The following CACNB2 variants were observed in gnomAD, a reference collection of about 807,000 sequenced individuals.
The protein encoded by CACNB2 is calcium voltage-gated channel auxiliary subunit beta 2.
Under a neutral mutation model 73.3 loss-of-function variants are expected in CACNB2, and 42 were observed. The observed-to-expected ratio is 0.57, with a 90% CI of 0.45 to 0.74. CACNB2 has a LOEUF of 0.74. Among genes scored for constraint, CACNB2 ranks in the 30% least tolerant of loss-of-function variants. The pLI is 0.00. For synonymous variants in CACNB2, 348 were observed against 310.3 expected (o/e 1.12, Z -1.28); for missense variants, 940 against 853.0 (o/e 1.10, Z -1.27).
rs149167651 is a variant in CACNB2 at position 18,506,511 on chromosome 10, G to C, written c.634G>C (p.Val212Leu). The change falls in exon 6 of 14, where the codon GTA becomes CTA. Residue 212 changes from valine (V) to leucine (L), a missense_variant. Transcript: ENST00000324631. ...TTCATCATCCAGTTTGGGTGACATA[G>C]TACCTAGTTCCAGAAAATCAACACC... ...GNSSSSLGDI[V>L]PSSRKSTPPS... 3.5e-5 allele frequency: 57 copies of C among 1,612,222 alleles called. No homozygotes were observed. The African/African-American group carries it at 7.3e-4, about 21-fold the overall frequency.
intron 11 of CACNB2, among the ~76,000 whole-genome samples, chr10:18,535,544 G>A (rs1441014374): frequency 6.6e-6 from 1 of 152,002 alleles, no homozygotes; most frequent in Non-Finnish European, 1.5e-5. Context: ...AGGCTGAGGT[G>A]GGAGGATCAT....
intron 9 of CACNB2, among the ~76,000 whole-genome samples, chr10:18,521,191 G>C (rs2051844501): frequency 6.6e-6 from 1 of 152,224 alleles, no homozygotes; most frequent in Non-Finnish European, 1.5e-5. Flanking sequence ...CTGCATATAA[G>C]TAAAAGGGCA....
intron 2 of CACNB2, among the ~76,000 whole-genome samples, chr10:18,386,003 T>A (rs558040219): frequency 6.6e-6 from 1 of 152,332 alleles, no homozygotes; most frequent in South Asian, 2.1e-4. Flanking sequence ...AGAATTAGAA[T>A]TATGGATCAA....
At chr10:18,531,919 G>T (rs7917584) in intron 10 of CACNB2, 1 of 151,996 alleles carries the variant, frequency 6.6e-6, no homozygotes, top group Admixed American at 6.6e-5. Flanking sequence ...GGCTTGCCCC[G>T]TCTTCAAGAT....
chr10:18,333,574 A>G (rs1170525013), intron 2 of CACNB2, among the ~76,000 whole-genome samples: 2 of 152,170 alleles, frequency 1.3e-5, no homozygotes, highest in African/African-American at 4.8e-5. Flanking sequence ...TTTTTTGAGA[A>G]AAGCATGTGT....
chr10:18,255,377 C>A (rs2037241345), intron 2 of CACNB2, among the ~76,000 whole-genome samples: 1 of 152,208 alleles, frequency 6.6e-6, no homozygotes, highest in Non-Finnish European at 1.5e-5. Flanking sequence ...CCCAGAGACA[C>A]CTTTTCTGAC....
At chr10:18,181,065 GAAA>G (rs34924301) in intron 2 of CACNB2, among the ~76,000 whole-genome samples, 16 of 117,882 alleles carry the variant, frequency 1.4e-4, no homozygotes, top group African/African-American at 4.6e-4. Context: ...AGCCAAAATA[GAAA>G]AAAAAAAAAA....
chr10:18,191,539 A>G (rs373343772), intron 2 of CACNB2, among the ~76,000 whole-genome samples: 53 of 152,242 alleles, frequency 3.5e-4, no homozygotes, highest in African/African-American at 1.2e-3. Context: ...GTACACCATC[A>G]CCTGAGCATT....
At chr10:18,498,275 A>G in intron 3 of CACNB2, 80 bp from the exon 4 acceptor site, 1 of 1,528,372 alleles carries the variant, frequency 6.5e-7, no homozygotes, top group Admixed American at 1.8e-5. Flanking sequence ...GTTATTCAGT[A>G]TGTCTTTGTG....
chr10:18,294,174 T>C (rs2039182629), intron 2 of CACNB2, among the ~76,000 whole-genome samples: 1 of 152,222 alleles, frequency 6.6e-6, no homozygotes. Context: ...CTTCACTCCA[T>C]GTGATAAACA....
chr10:18,494,777 A>G (rs1012473441), intron 3 of CACNB2, among the ~76,000 whole-genome samples: 1 of 151,942 alleles, frequency 6.6e-6, no homozygotes, highest in African/African-American at 2.4e-5. Context: ...TGGAAATTGT[A>G]TTTCTAGTGG....
At chr10:18,428,324 C>G (rs1409025517) in intron 3 of CACNB2, among the ~76,000 whole-genome samples, 5 of 152,182 alleles carry the variant, frequency 3.3e-5, no homozygotes, top group African/African-American at 1.2e-4. Context: ...CCACTACAAT[C>G]TTATTTTGTC....
At chr10:18,155,384 T>C (rs2031958221) in intron 2 of CACNB2, among the ~76,000 whole-genome samples, 1 of 152,238 alleles carries the variant, frequency 6.6e-6, no homozygotes, top group Admixed American at 6.5e-5. Flanking sequence ...GGATTGTCTT[T>C]GGTTGATTTT....
intron 2 of CACNB2, chr10:18,261,982 A>G (rs375908028): frequency 3.3e-5 from 17 of 518,876 alleles, no homozygotes; most frequent in African/African-American, 5.8e-5. Flanking sequence ...GCCTTACACT[A>G]GCCGACCAGC....
At chr10:18,267,211 T>C (rs2131624678) in intron 2 of CACNB2, among the ~76,000 whole-genome samples, 1 of 152,108 alleles carries the variant, frequency 6.6e-6, no homozygotes, top group African/African-American at 2.4e-5. Context: ...TTTTTATTAA[T>C]AATAGCTTTT....
At chr10:18,177,393 G>A (rs2033656497) in intron 2 of CACNB2, among the ~76,000 whole-genome samples, 1 of 151,692 alleles carries the variant, frequency 6.6e-6, no homozygotes, top group Non-Finnish European at 1.5e-5. Flanking sequence ...GCCAAAGTGG[G>A]TGGATCACTT....
At chr10:18,178,526 A>C (rs2033716491) in intron 2 of CACNB2, among the ~76,000 whole-genome samples, 2 of 152,028 alleles carry the variant, frequency 1.3e-5, no homozygotes, top group Admixed American at 6.5e-5. Flanking sequence ...TTCTTTTTTG[A>C]TTCCTTTTAT....
chr10:18,377,082 A>G (rs188658644), intron 2 of CACNB2, among the ~76,000 whole-genome samples: 1 of 152,334 alleles, frequency 6.6e-6, no homozygotes, highest in Non-Finnish European at 1.5e-5. Flanking sequence ...ATTATTATAT[A>G]TTGCATGCCT....
At chr10:18,246,955 GC>G (rs2036884996) in intron 2 of CACNB2, among the ~76,000 whole-genome samples, 1 of 152,056 alleles carries the variant, frequency 6.6e-6, no homozygotes, top group South Asian at 2.1e-4. Context: ...AGTTTTTTAA[GC>G]CCTTTTGCCT....
Sources: gnomAD v4.1 joint callset for allele counts (sites outside exome capture counted in the v4.1 genomes callset) on GRCh38, gnomAD v4.1.1 for gene constraint, MANE v1.5 for transcripts, NCBI Gene and HGNC (gene_info 2026-07-23, HGNC 2026-07-21) for gene names.